Variants in CBARP observed in about 807,000 individuals in gnomAD.
The protein encoded by CBARP is voltage-dependent calcium channel beta subunit-associated regulatory protein.
CBARP carries 24 observed loss-of-function variants against 36.3 expected under a neutral mutation model. That is an observed-to-expected ratio of 0.66 (90% CI 0.48 to 0.93). CBARP has a LOEUF of 0.93. CBARP is among the 40% of genes least tolerant of loss of function. CBARP has a pLI of 0.00. For synonymous variants in CBARP, 586 were observed against 453.2 expected (o/e 1.29, Z -3.72); for missense variants, 1,146 against 980.4 (o/e 1.17, Z -2.26).
Position 1,230,099 on chromosome 19 carries a change from G to T in CBARP, c.1198C>A (p.Pro400Thr). Residue 400 changes from proline to threonine, a missense_variant, in exon 10 of 10, where the codon CCC (proline) becomes ACC (threonine). By Grantham distance (38) the Pro-to-Thr change is conservative. Coordinates refer to ENST00000650044, the MANE Select transcript of CBARP (RefSeq NM_001393918.1). Reference sequence around the variant, plus strand: ...GCGCTGCCCGCGCCGCGCTCCGGGGGGGAATCGGGGCTCGCTCCTCCCGCT... The same window carrying T: ...GCGCTGCCCGCGCCGCGCTCCGGGGTGGAATCGGGGCTCGCTCCTCCCGCT... ...EAAGGASPDS[P>T]PERGAGSAGP... is the part of the protein sequence containing the mutation. The T allele has an allele frequency of 9.3e-7, 1 of 1,080,262 alleles. No homozygotes were observed. Among genetic ancestry groups the T allele is most frequent in the Non-Finnish European group, 1.1e-6 (1 of 884,670 alleles). The allele number at this position is 1,080,262 out of a possible 1,614,324, so 66.9% of individuals were successfully genotyped here.
rs892357465 is a variant in CBARP, at chr19:1,229,957, T to A, written c.1340A>T (p.His447Leu). 12 of 1,205,850 alleles carry A rather than the reference T, an allele frequency of 1.0e-5. No individual in the cohort carries two copies. Among genetic ancestry groups the A allele is most frequent in the Non-Finnish European group, 1.3e-5 (12 of 947,848 alleles). The allele number at this position is 1,205,850 out of a possible 1,614,324, so 74.7% of individuals were successfully genotyped here. ...LWSLRASLEL[H>L]AAASDHSSSG... Reference sequence around the variant, plus strand: ...GCTGCTGTGGTCCGAGGCGGCCGCATGCAGCTCAAGCGAGGCGCGCAGGCT... The same window carrying A: ...GCTGCTGTGGTCCGAGGCGGCCGCAAGCAGCTCAAGCGAGGCGCGCAGGCT... Residue 447 changes from histidine to leucine, a missense_variant, in exon 10 of 10, where the codon CAT becomes CTT. His to Leu is a moderately conservative substitution (Grantham distance 99). Transcript: ENST00000650044. This position sits in a 1 kb window ranked among gnomAD's most constrained non-coding sequence, Gnocchi z 5.1.
At chr19:1,233,193 C>G (rs888128398) in intron 8 of CBARP, among the ~76,000 whole-genome samples, 1 of 152,242 alleles carries the variant, frequency 6.6e-6, no homozygotes, top group African/African-American at 2.4e-5. Flanking sequence ...AGCCTTCCCG[C>G]ACAGGTTCCC....
At chr19:1,235,395 TG>T in intron 4 of CBARP, 105 bp downstream of exon 4, 1 of 1,269,796 alleles carries the variant, frequency 7.9e-7, no homozygotes, top group African/African-American at 1.5e-5. Flanking sequence ...CCCAGTCTGG[TG>T]GGGGAGACAG....
chr19:1,231,390 C>A, intron 8 of CBARP, 115 bp from the exon 9 acceptor site: 1 of 1,401,144 alleles, frequency 7.1e-7, no homozygotes, highest in Non-Finnish European at 9.4e-7. Context: ...GCCCCCCCGC[C>A]ACACACAACG....
intron 1 of CBARP, 103 bp from the exon 2 acceptor site, chr19:1,236,224 G>C (rs910994607): frequency 3.7e-6 from 5 of 1,337,354 alleles, no homozygotes; most frequent in Non-Finnish European, 4.8e-6. Context: ...GCCCACACAG[G>C]GGGCAGTGAC....
rs1309368464 is a variant in CBARP at position 1,234,294 on chromosome 19, G to A, written c.665C>T (p.Pro222Leu). The A allele has an allele frequency of 2.1e-6, 3 of 1,449,826 alleles. No individual in the cohort carries two copies. Among genetic ancestry groups the A allele is most frequent in the Non-Finnish European group, 2.7e-6 (3 of 1,098,602 alleles). The allele number at this position is 1,449,826 out of a possible 1,614,324, so 89.8% of individuals were successfully genotyped here. Residue 222 changes from proline (P) to leucine (L), a missense_variant, in exon 7 of 10, where the codon CCC (proline) becomes CTC (leucine). Pro to Leu is a moderately conservative substitution (Grantham distance 98). Coordinates refer to ENST00000650044, the MANE Select transcript of CBARP (RefSeq NM_001393918.1). ...GGGGTCACCTGGCAGGGCGGAGCTG[G>A]GGCCCACAGAGCGGCCGGTGAGGGC... is the stretch of plus-strand genomic sequence containing the variant. ...GKALTGRSVGPSSALPGDPYN... is the reference protein window; with the variant it reads ...GKALTGRSVGLSSALPGDPYN...
chr19:1,235,327 C>T, intron 4 of CBARP, 174 bp downstream of exon 4: 1 of 1,044,126 alleles, frequency 9.6e-7, no homozygotes, highest in Admixed American at 3.2e-5. Flanking sequence ...CAGCACGCGC[C>T]TGGGCCCACC....
chr19:1,235,975 C>T, intron 2 of CBARP, 21 bp downstream of exon 2: 2 of 1,580,576 alleles, frequency 1.3e-6, no homozygotes, highest in South Asian at 2.3e-5. Context: ...CCTGCCCCTC[C>T]CACCTGTCCC....
At position 1,229,851 on chromosome 19, in the gene CBARP, C is replaced by T; in HGVS notation, c.1446G>A (p.Pro482=). 2.0e-6 allele frequency: 2 copies of T among 986,498 alleles called. No homozygotes were observed. Among genetic ancestry groups the T allele is most frequent in the Non-Finnish European group, 2.4e-6 (2 of 831,660 alleles). 61.1% of individuals were successfully genotyped at this position (986,498 alleles called of 1,614,324 possible). A position where few individuals can be genotyped will look rare whatever the true frequency, so the allele number is the denominator to read the frequency against. Residue 482 remains proline, a synonymous_variant, in exon 10 of 10, where the codon CCG becomes CCA. Transcript: ENST00000650044. The surrounding 1 kb of genome is among the most constrained non-coding windows in gnomAD (Gnocchi z 5.1). ...TGGGCCGCGGCGCGGGCGGGGAGGG[C>T]GGCGGGAAGGCGGGCGCCGCGCCCC... The part of the protein sequence containing the change: ...GSGGAAPAFP[P]PSPPAPRPKD...
intron 7 of CBARP, among the ~76,000 whole-genome samples, chr19:1,233,902 C>G (rs1465903453): frequency 6.6e-6 from 1 of 152,226 alleles, no homozygotes; most frequent in Non-Finnish European, 1.5e-5. Context: ...GGTCTCTCGC[C>G]CACGGCGTGG....
At chr19:1,234,877 C>A in intron 5 of CBARP, 124 bp downstream of exon 5, 1 of 1,499,056 alleles carries the variant, frequency 6.7e-7, no homozygotes, top group Non-Finnish European at 8.9e-7. Flanking sequence ...CCGCCCCACC[C>A]CACGGTCCCA....
At position 1,235,870 on chromosome 19, in the gene CBARP, T is replaced by TCAC. The variant is rs1302001506; in HGVS notation, c.151_153dup (p.Val51dup). Reference sequence around the variant, plus strand: ...AGCGTGCCCCCCACGAACAGCGACATCACCACCACCAGCAGCACGTAGTTG... The same window carrying TCAC: ...AGCGTGCCCCCCACGAACAGCGACATCACCACCACCACCAGCAGCACGTAGTTG... On this transcript the variant is annotated inframe_insertion, in exon 3 of 10. Coordinates refer to ENST00000650044, the MANE Select transcript of CBARP (RefSeq NM_001393918.1). 1 of 1,612,244 alleles carries TCAC rather than the reference T, an allele frequency of 6.2e-7. No homozygotes were observed. The highest frequency in any genetic ancestry group is 1.1e-5 in the South Asian group (1 of 91,088).
chr19:1,229,175 G>T lies in CBARP; in HGVS notation c.*4C>A. 1 of 1,130,306 alleles carries T rather than the reference G, an allele frequency of 8.8e-7. No individual in the cohort carries two copies. The highest frequency in any genetic ancestry group is 1.6e-5 in the South Asian group (1 of 61,950). The allele number at this position is 1,130,306 out of a possible 1,614,324, so 70.0% of individuals were successfully genotyped here. On this transcript the variant is annotated 3_prime_UTR_variant, in exon 10 of 10. Transcript: ENST00000650044. This position sits in a 1 kb window ranked among gnomAD's most constrained non-coding sequence, Gnocchi z 5.1. ...GCCAGAGAGATGGGCCCAGGACGCG[G>T]GACTTAGGCCGGGCTGTGGTCGGGG... is the stretch of plus-strand genomic sequence containing the variant.
chr19:1,229,579 G>C lies in CBARP; in HGVS notation c.1718C>G (p.Ala573Gly). 5 of 1,157,480 alleles carry C rather than the reference G, an allele frequency of 4.3e-6. No homozygotes were observed. The highest frequency in any genetic ancestry group is 5.4e-6 in the Non-Finnish European group (5 of 926,162). 71.7% of individuals were successfully genotyped at this position (1,157,480 alleles called of 1,614,324 possible). The change falls in exon 10 of 10, where the codon GCG becomes GGG. Residue 573 changes from alanine (A) to glycine (G), a missense_variant. Coordinates refer to ENST00000650044, the MANE Select transcript of CBARP (RefSeq NM_001393918.1). This position sits in a 1 kb window ranked among gnomAD's most constrained non-coding sequence, Gnocchi z 5.1. Reference sequence around the variant, plus strand: ...CCACTGTTTGCGGGCGTGCGGGTGCGCGCGGGCGCGGTGTCGCGCGGCAGC... The same window carrying C: ...CCACTGTTTGCGGGCGTGCGGGTGCCCGCGGGCGCGGTGTCGCGCGGCAGC... ...TPAAARHRARAHPHARKQWQR... is the reference protein window; with the variant it reads ...TPAAARHRARGHPHARKQWQR...
rs1464234666 is a variant in CBARP at position 1,233,451 on chromosome 19, C to G, written c.954G>C (p.Gln318His). ...CTCTCGTGTCCAGACTGGCTGCCCG[C>G]TGGCTGGGCTCCAGCTTCCACTTCT... ...KVKKWKLEPS[Q>H]RAASLDTRGS... is the part of the protein sequence containing the mutation. Residue 318 changes from glutamine (Q) to histidine (H), a missense_variant, in exon 8 of 10, where the codon CAG (glutamine) becomes CAC (histidine). Gln to His is a conservative substitution (Grantham distance 24). Coordinates refer to ENST00000650044, the MANE Select transcript of CBARP (RefSeq NM_001393918.1). The G allele has an allele frequency of 6.3e-7, 1 of 1,596,826 alleles. No homozygotes were observed.
chr19:1,235,682 C>T, intron 3 of CBARP, 97 bp downstream of exon 3: 2 of 1,595,506 alleles, frequency 1.3e-6, no homozygotes, highest in Middle Eastern at 1.7e-4. Flanking sequence ...AGGCATAGCC[C>T]ACCCTGTGAC....
chr19:1,236,933 C>T (rs2080983235), intron 1 of CBARP, among the ~76,000 whole-genome samples: 2 of 151,498 alleles, frequency 1.3e-5, no homozygotes, highest in African/African-American at 2.4e-5. Context: ...CCAGCCCGGG[C>T]GCCCGGAGCA....
chr19:1,230,074 G>T lies in CBARP; in HGVS notation c.1223C>A (p.Ala408Glu), dbSNP rs2080869389. 8.9e-7 allele frequency: 1 copy of T among 1,129,940 alleles called. No homozygotes were observed. The highest frequency in any genetic ancestry group is 1.1e-6 in the Non-Finnish European group (1 of 913,002). 70.0% of individuals were successfully genotyped at this position (1,129,940 alleles called of 1,614,324 possible). Reference protein sequence around the residue: ...DSPPERGAGSAGPEQQQPPLE... With the variant: ...DSPPERGAGSEGPEQQQPPLE... ...TGGCGGCTGCTGCTGCTCAGGCCCC[G>T]CGCTGCCCGCGCCGCGCTCCGGGGG... is the stretch of plus-strand genomic sequence containing the variant. Residue 408 changes from alanine (A) to glutamate (E), a missense_variant, in exon 10 of 10, where the codon GCG becomes GAG. Transcript: ENST00000650044.
chr19:1,234,416 T>C lies in CBARP; in HGVS notation c.628-85A>G, dbSNP rs1158708856. ...GAGGGACATGGGCAGGTGAGGAGCA[T>C]GCTGGGCTTGGCCCCCTGCCCTGCT... is the stretch of plus-strand genomic sequence containing the variant. On this transcript the variant is annotated intron_variant, in intron 6 of 9. Transcript: ENST00000650044. 8.4e-6 allele frequency: 12 copies of C among 1,433,144 alleles called. No homozygotes were observed. The African/African-American group carries it at 1.4e-4, about 17-fold the overall frequency. The allele number at this position is 1,433,144 out of a possible 1,614,324, so 88.8% of individuals were successfully genotyped here.
Sources: allele counts gnomAD v4.1 joint callset (sites outside exome capture counted in the v4.1 genomes callset), GRCh38; gene constraint gnomAD v4.1.1; non-coding constraint Gnocchi (gnomAD v3.1); transcripts MANE v1.5; gene names NCBI Gene and HGNC (gene_info 2026-07-23, HGNC 2026-07-21).